The following TENM4 variants were observed in gnomAD, a reference collection of about 807,000 sequenced individuals.
TENM4 encodes the protein teneurin transmembrane protein 4.
Under a neutral mutation model 243.3 loss-of-function variants are expected in TENM4, and 82 were observed. The observed-to-expected ratio is 0.34, with a 90% CI of 0.28 to 0.40. TENM4 has a LOEUF of 0.40. Ranked by LOEUF, TENM4 falls within the 10% of genes least tolerant of loss-of-function variation. The pLI is 1.00. For missense variants in TENM4, 3,138 were observed against 3,673.3 expected, an observed-to-expected ratio of 0.85 and a Z score of 3.77; for synonymous variants, 1,412 against 1,456.3, an observed-to-expected ratio of 0.97 and a Z score of 0.69.
chr11:78,732,104 TCA>T (rs913282756), intron 21 of TENM4, among the ~76,000 whole-genome samples: 11 of 151,374 alleles, frequency 7.3e-5, no homozygotes, highest in African/African-American at 2.5e-4. Context: ...TTCCAGGCAC[TCA>T]TGTGTTTTCC....
chr11:79,184,983 G>T (rs1863355688), intron 3 of TENM4, among the ~76,000 whole-genome samples: 1 of 152,156 alleles, frequency 6.6e-6, no homozygotes, highest in East Asian at 1.9e-4. Context: ...AAAACAAAAA[G>T]TACATTTCTT....
chr11:79,189,872 C>T (rs1306141219), intron 3 of TENM4, among the ~76,000 whole-genome samples: 1 of 152,224 alleles, frequency 6.6e-6, no homozygotes, highest in Non-Finnish European at 1.5e-5. Context: ...TTGATGGCCC[C>T]ACTCCTGTTG....
intron 1 of TENM4, among the ~76,000 whole-genome samples, chr11:79,400,099 C>CCACA (rs71050221): frequency 0.13 from 18,049 of 140,448 alleles, 1,315 homozygotes; most frequent in East Asian, 0.19. Flanking sequence ...TAAACACACA[C>CCACA]CACACACACA....
At chr11:79,376,003 A>G (rs2135516975) in intron 1 of TENM4, among the ~76,000 whole-genome samples, 1 of 152,334 alleles carries the variant, frequency 6.6e-6, no homozygotes, top group Non-Finnish European at 1.5e-5. Flanking sequence ...TTTACATTCT[A>G]AAGGAAAAGT....
rs78289651 is a variant in TENM4, at chr11:78,765,854, C to T, written c.2539+5138G>A. ...AATGGCTGCTGTTTTCCTTTATGTA[C>T]GTTTGGATTCTTTTCTAGCAAAGAG... On this transcript the variant is annotated intron_variant, in intron 18 of 33. Coordinates refer to ENST00000278550, the MANE Select transcript of TENM4 (RefSeq NM_001098816.3). Among the ~76,000 whole-genome samples, 1,487 of 152,158 alleles carry T rather than the reference C, an allele frequency of 9.8e-3. 11 individuals carry two copies. The highest frequency in any genetic ancestry group is 0.017 in the Middle Eastern group (5 of 294).
chr11:79,212,044 G>A (rs1169967278), intron 3 of TENM4, among the ~76,000 whole-genome samples: 1 of 152,194 alleles, frequency 6.6e-6, no homozygotes, highest in African/African-American at 2.4e-5. Flanking sequence ...TGGACATTTA[G>A]TGCCCCAGCA....
intron 9 of TENM4, among the ~76,000 whole-genome samples, chr11:78,886,863 C>A (rs1855558724): frequency 6.6e-6 from 1 of 152,194 alleles, no homozygotes; most frequent in Non-Finnish European, 1.5e-5. Context: ...GTGAACTGAC[C>A]ATTCCTGGCT....
At chr11:79,143,127 A>C (rs1410226679) in intron 4 of TENM4, among the ~76,000 whole-genome samples, 1 of 152,140 alleles carries the variant, frequency 6.6e-6, no homozygotes, top group East Asian at 1.9e-4. Context: ...GTGATTCCTC[A>C]AGGATCTAGA....
chr11:79,421,108 T>C (rs563129704), intron 1 of TENM4, among the ~76,000 whole-genome samples: 2 of 152,352 alleles, frequency 1.3e-5, no homozygotes, highest in South Asian at 2.1e-4. Flanking sequence ...CTTTTCTCTT[T>C]GCAAAATCAC....
chr11:79,171,903 T>C (rs1372710168), intron 3 of TENM4, among the ~76,000 whole-genome samples: 2 of 152,200 alleles, frequency 1.3e-5, no homozygotes, highest in Admixed American at 1.3e-4. Flanking sequence ...ACCAAGTACT[T>C]TGCCATCCAA....
At chr11:79,325,186 A>C (rs1856953929) in intron 1 of TENM4, among the ~76,000 whole-genome samples, 1 of 152,204 alleles carries the variant, frequency 6.6e-6, no homozygotes, top group African/African-American at 2.4e-5. Context: ...ATTCCTGAGA[A>C]GTGAGTTCTA....
rs960111 is a variant in TENM4, at chr11:78,913,745, A to G, written c.494-10222T>C. On this transcript the variant is annotated intron_variant, in intron 6 of 33. Coordinates refer to ENST00000278550, the MANE Select transcript of TENM4 (RefSeq NM_001098816.3). ...AGAGGAAAAGCACGAAGAAACAGGG[A>G]CGGCCATGCTGTGCTGATTTGCTGG... 6.5e-3 allele frequency among the ~76,000 whole-genome samples: 984 copies of G among 152,152 alleles called. 3 individuals are homozygous for G. The highest frequency in any genetic ancestry group is 0.011 in the Non-Finnish European group (738 of 68,006).
At chr11:78,985,297 G>A (rs1290057152) in intron 6 of TENM4, among the ~76,000 whole-genome samples, 4 of 151,800 alleles carry the variant, frequency 2.6e-5, no homozygotes, top group Non-Finnish European at 5.9e-5. Context: ...ATCTTTGCAA[G>A]CTAAAAGACA....
intron 2 of TENM4, among the ~76,000 whole-genome samples, chr11:79,247,276 G>A (rs1416488278): frequency 6.6e-6 from 1 of 151,966 alleles, no homozygotes; most frequent in Non-Finnish European, 1.5e-5. Flanking sequence ...AATTAGCCGG[G>A]CATGGTGGCA....
intron 6 of TENM4, among the ~76,000 whole-genome samples, chr11:79,037,816 A>T (rs1210471565): frequency 6.6e-6 from 1 of 152,220 alleles, no homozygotes; most frequent in Non-Finnish European, 1.5e-5. Flanking sequence ...AACTAAATAT[A>T]TGTATTTCTA....
intron 25 of TENM4, among the ~76,000 whole-genome samples, chr11:78,718,599 T>C (rs1324420735): frequency 1.3e-5 from 2 of 152,164 alleles, no homozygotes; most frequent in Admixed American, 6.5e-5. Flanking sequence ...ACTAACTGAA[T>C]GTTTCAACAT....
Position 78,805,285 on chromosome 11 carries a change from C to CCACCCCACCCCCCCCCCCCAT in TENM4, c.2179+6_2179+7insATGGGGGGGGGGGGTGGGGTG. ...TCTACCCATGCTTCTTCTCCCCCTG[C>CCACCCCACCCCCCCCCCCCAT]ATTTACCGATAGAACAGTCGTGTCC... On this transcript the variant is annotated splice_region_variant and intron_variant, in intron 15 of 33. Coordinates refer to ENST00000278550, the MANE Select transcript of TENM4 (RefSeq NM_001098816.3). 1 of 1,578,072 alleles carries CCACCCCACCCCCCCCCCCCAT rather than the reference C, an allele frequency of 6.3e-7. No individual in the cohort carries two copies. Among genetic ancestry groups the CCACCCCACCCCCCCCCCCCAT allele is most frequent in the Non-Finnish European group, 8.6e-7 (1 of 1,160,314 alleles).
intron 6 of TENM4, among the ~76,000 whole-genome samples, chr11:78,941,578 C>T (rs967117837): frequency 3.9e-5 from 6 of 152,160 alleles, no homozygotes; most frequent in Non-Finnish European, 7.3e-5. Flanking sequence ...GAAGGCAAGC[C>T]CTGGCACGGC....
intron 18 of TENM4, among the ~76,000 whole-genome samples, chr11:78,759,049 A>G (rs757393015): frequency 1.4e-4 from 21 of 152,142 alleles, no homozygotes; most frequent in Non-Finnish European, 2.9e-4. Flanking sequence ...TCCCTTCCTC[A>G]TCCTGAACTT....
Sources: allele counts gnomAD v4.1 joint callset (sites outside exome capture counted in the v4.1 genomes callset), GRCh38; gene constraint gnomAD v4.1.1; transcripts MANE v1.5; gene names NCBI Gene and HGNC (gene_info 2026-07-23, HGNC 2026-07-21).